CACNA1H: variants seen among roughly 807,000 people sequenced by gnomAD.
CACNA1H encodes the protein calcium voltage-gated channel subunit alpha1 H, also known as voltage-dependent T-type calcium channel subunit alpha-1H.
In CACNA1H, 149 loss-of-function variants were observed where a neutral mutation model predicts 192.5. The ratio of observed to expected loss-of-function variants is 0.77; its 90% CI spans 0.68 to 0.89. CACNA1H has a LOEUF of 0.89. CACNA1H is among the 40% of genes least tolerant of loss of function. The pLI is 0.00. For missense variants in CACNA1H, 4,257 were observed against 3,423.5 expected, an observed-to-expected ratio of 1.24 and a Z score of -6.08; for synonymous variants, 2,202 against 1,475.2, an observed-to-expected ratio of 1.49 and a Z score of -11.29.
At position 1,209,347 on chromosome 16, in the gene CACNA1H, G is replaced by A. The variant is rs376491138; in HGVS notation, c.3679G>A (p.Asp1227Asn). The A allele has an allele frequency of 5.0e-6, 8 of 1,597,912 alleles. No individual in the cohort carries two copies. The highest frequency in any genetic ancestry group is 2.7e-5 in the African/African-American group (2 of 74,914). ...RDGQVVALPS[D>N]FFLRIDSHRE... Reference sequence around the variant, plus strand: ...CGGGCAGGTGGTGGCCCTGCCCAGCGACTTCTTCCTGCGCATCGACAGCCA... The same window carrying A: ...CGGGCAGGTGGTGGCCCTGCCCAGCAACTTCTTCCTGCGCATCGACAGCCA... Residue 1227 changes from aspartate to asparagine, a missense_variant, in exon 17 of 35, where the codon GAC becomes AAC. Transcript: ENST00000348261.
chr16:1,194,641 CTGAG>C (rs1050340674), intron 2 of CACNA1H, among the ~76,000 whole-genome samples: 9 of 152,224 alleles, frequency 5.9e-5, no homozygotes, highest in African/African-American at 1.7e-4. Context: ...CCCTGGGAGT[CTGAG>C]TGGCCCTCAC....
chr16:1,192,155 C>A (rs1488720248), intron 2 of CACNA1H, among the ~76,000 whole-genome samples: 1 of 152,230 alleles, frequency 6.6e-6, no homozygotes, highest in African/African-American at 2.4e-5. Flanking sequence ...CCCACTAAAC[C>A]AGACGGTCCG....
intron 29 of CACNA1H, 57 bp from the exon 30 acceptor site, chr16:1,215,466 C>A: frequency 6.3e-7 from 1 of 1,589,980 alleles, no homozygotes; most frequent in Non-Finnish European, 8.6e-7. Context: ...CGGCCAGGGT[C>A]CCCGCGCAGC....
intron 2 of CACNA1H, among the ~76,000 whole-genome samples, chr16:1,171,932 C>T (rs1406322076): frequency 6.6e-6 from 1 of 152,264 alleles, no homozygotes; most frequent in Non-Finnish European, 1.5e-5. Flanking sequence ...GGGGCATGTT[C>T]ACAGGCCAGG....
intron 3 of CACNA1H, 129 bp from the exon 4 acceptor site, chr16:1,195,303 C>T: frequency 8.6e-7 from 1 of 1,160,550 alleles, no homozygotes; most frequent in Non-Finnish European, 1.2e-6. Context: ...GTTCCTGGGG[C>T]TCAGGGCGGG....
intron 1 of CACNA1H, 120 bp from the exon 2 acceptor site, chr16:1,153,599 TG>T: frequency 3.9e-6 from 2 of 519,060 alleles, no homozygotes; most frequent in Non-Finnish European, 5.5e-6. Flanking sequence ...GGGGCGCGTT[TG>T]TCTCTAATAA....
At chr16:1,175,057 C>T (rs1006466260) in intron 2 of CACNA1H, among the ~76,000 whole-genome samples, 19 of 152,014 alleles carry the variant, frequency 1.2e-4, no homozygotes, top group African/African-American at 4.1e-4. Context: ...TATCAGGAGT[C>T]CTACTCTACG....
intron 2 of CACNA1H, among the ~76,000 whole-genome samples, chr16:1,165,686 C>T (rs149993415): frequency 1.3e-5 from 2 of 152,352 alleles, no homozygotes; most frequent in African/African-American, 2.4e-5. Flanking sequence ...TGGGGTCACC[C>T]CTCCTGAGGA....
intron 2 of CACNA1H, among the ~76,000 whole-genome samples, chr16:1,194,415 C>T (rs773858793): frequency 2.5e-4 from 38 of 152,160 alleles, no homozygotes; most frequent in African/African-American, 8.0e-4. Context: ...AGGGTGGGGC[C>T]GCGCAGCCCT....
intron 2 of CACNA1H, among the ~76,000 whole-genome samples, chr16:1,181,053 C>T (rs1965413961): frequency 6.6e-6 from 1 of 152,232 alleles, no homozygotes; most frequent in Non-Finnish European, 1.5e-5. Flanking sequence ...TGGGCCACGG[C>T]AGCTGTGCAG....
chr16:1,155,232 G>A (rs934271737), intron 2 of CACNA1H, among the ~76,000 whole-genome samples: 3 of 152,170 alleles, frequency 2.0e-5, no homozygotes, highest in African/African-American at 4.8e-5. Context: ...CTGTGGTCCC[G>A]GGGGCAGCCG....
At chr16:1,205,040 G>C in intron 10 of CACNA1H, 74 bp from the exon 11 acceptor site, 2 of 1,105,286 alleles carry the variant, frequency 1.8e-6, no homozygotes, top group South Asian at 2.9e-5. Flanking sequence ...ACGGGTGGGG[G>C]CCCCAGATCA....
intron 2 of CACNA1H, among the ~76,000 whole-genome samples, chr16:1,160,780 C>T (rs1963091397): frequency 6.6e-6 from 1 of 152,170 alleles, no homozygotes; most frequent in African/African-American, 2.4e-5. Context: ...CGGTCGCTTG[C>T]CGGGAGCGGG....
Position 1,198,977 on chromosome 16 carries a change from C to T in CACNA1H, c.803+203C>T, listed in dbSNP as rs1977846. The T allele has an allele frequency of 4.3e-3, 2,412 of 560,130 alleles. 31 individuals carry two copies. Among genetic ancestry groups the T allele is most frequent in the East Asian group, 0.022 (742 of 33,642 alleles). The allele number at this position is 560,130 out of a possible 1,614,324, so 34.7% of individuals were successfully genotyped here. On this transcript the variant is annotated intron_variant, in intron 6 of 34. Transcript: ENST00000348261. ...ATCATGGCTCCGCCCAGCTGGCAGT[C>T]ACCGCCCCACATGGCTCCGCCCACG... is the stretch of plus-strand genomic sequence containing the variant.
Position 1,215,081 on chromosome 16 carries a change from GGT to G in CACNA1H, c.5039+8_5039+9del. ...GGGTTCCGTCGGTTCTTCAAGGACA[GGT>G]GTGTGTGGTGGGGCCGTCTTGGGTT... On this transcript the variant is annotated splice_donor_variant, in intron 28 of 34. Coordinates refer to ENST00000348261, the MANE Select transcript of CACNA1H (RefSeq NM_021098.3). LOFTEE classifies it high-confidence loss of function. The G allele has an allele frequency of 6.2e-7, 1 of 1,609,964 alleles. No individual in the cohort carries two copies. Among genetic ancestry groups the G allele is most frequent in the Non-Finnish European group, 8.5e-7 (1 of 1,177,856 alleles).
intron 2 of CACNA1H, among the ~76,000 whole-genome samples, chr16:1,169,173 TG>T (rs1170846862): frequency 0.011 from 83 of 7,346 alleles, no homozygotes; most frequent in African/African-American, 0.04. Flanking sequence ...GGGGTGGGGG[TG>T]GGGGTGGGGG....
intron 25 of CACNA1H, 143 bp from the exon 26 acceptor site, chr16:1,212,368 A>C: frequency 9.6e-7 from 1 of 1,036,864 alleles, no homozygotes; most frequent in Non-Finnish European, 1.4e-6. Context: ...CCCAGCGCCC[A>C]AGAGGCAGGT....
intron 12 of CACNA1H, 25 bp downstream of exon 12, chr16:1,206,314 C>A (rs375936129): frequency 6.5e-7 from 1 of 1,544,428 alleles, no homozygotes; most frequent in Non-Finnish European, 8.7e-7. Flanking sequence ...CCTCCCGGCC[C>A]GCCCAGTGTC....
At chr16:1,171,960 G>A (rs1006207726) in intron 2 of CACNA1H, among the ~76,000 whole-genome samples, 1 of 152,238 alleles carries the variant, frequency 6.6e-6, no homozygotes, top group Non-Finnish European at 1.5e-5. Flanking sequence ...CAGGACGGAC[G>A]CTGGGGTCCA....
Sources: gnomAD v4.1 joint callset for allele counts (sites outside exome capture counted in the v4.1 genomes callset) on GRCh38, gnomAD v4.1.1 for gene constraint, MANE v1.5 for transcripts, NCBI Gene and HGNC (gene_info 2026-07-23, HGNC 2026-07-21) for gene names.